ANKRD44: variants seen among roughly 807,000 people sequenced by gnomAD.
ANKRD44 encodes the protein ankyrin repeat domain 44.
A neutral mutation model predicts 116.0 loss-of-function variants in ANKRD44; 35 were observed. That is an observed-to-expected ratio of 0.30 (90% CI 0.23 to 0.40). The LOEUF is 0.40. Ranked by LOEUF, ANKRD44 falls within the 10% of genes least tolerant of loss-of-function variation. The pLI is 1.00. For synonymous variants in ANKRD44, 435 were observed against 461.8 expected, an observed-to-expected ratio of 0.94 and a Z score of 0.74; for missense variants, 1,014 against 1,242.6, an observed-to-expected ratio of 0.82 and a Z score of 2.77.
At chr2:197,245,167 G>A (rs1323598498) in intron 1 of ANKRD44, among the ~76,000 whole-genome samples, 2 of 152,248 alleles carry the variant, frequency 1.3e-5, no homozygotes, top group South Asian at 4.2e-4. Context: ...GGCTGAGAGA[G>A]GAGAATCACT....
intron 1 of ANKRD44, among the ~76,000 whole-genome samples, chr2:197,309,763 A>G (rs1313696212): frequency 6.6e-6 from 1 of 152,148 alleles, no homozygotes; most frequent in African/African-American, 2.4e-5. Context: ...GTTAGTGTCA[A>G]TGTAAGAGCA....
At chr2:197,240,627 C>T (rs2082071512) in intron 1 of ANKRD44, among the ~76,000 whole-genome samples, 1 of 151,192 alleles carries the variant, frequency 6.6e-6, no homozygotes, top group Admixed American at 6.6e-5. Flanking sequence ...GCAAGTCTCT[C>T]TCTGTGGGTG....
chr2:197,279,268 C>T (rs970199301), intron 1 of ANKRD44, among the ~76,000 whole-genome samples: 3 of 152,150 alleles, frequency 2.0e-5, no homozygotes, highest in African/African-American at 7.2e-5. Context: ...AGGGAGCCTA[C>T]CTGTATACAA....
chr2:197,288,573 T>C (rs181139376), intron 1 of ANKRD44, among the ~76,000 whole-genome samples: 2 of 152,304 alleles, frequency 1.3e-5, no homozygotes, highest in East Asian at 3.9e-4. Context: ...AGCAAAGTTA[T>C]GGAATCTAAG....
chr2:197,178,491 T>TA (rs997779117), intron 2 of ANKRD44, among the ~76,000 whole-genome samples: 49 of 149,766 alleles, frequency 3.3e-4, no homozygotes, highest in Non-Finnish European at 6.1e-4. Flanking sequence ...AAATTTTAAC[T>TA]AAAAAAAAAG....
In ANKRD44 at chr2:197,122,782, A is replaced by T; in HGVS notation, c.561T>A (p.Asp187Glu). ...LHWAAYMGHL[D>E]VVALLINHGA... ...CATGGTTAATGAGCAATGCTACAAC[A>T]TCCAAGTGGCCTTTACAAACAAAGC... is the stretch of plus-strand genomic sequence containing the variant. The change falls in exon 7 of 28, where the codon GAT (aspartate) becomes GAA (glutamate). Residue 187 changes from aspartate (D) to glutamate (E), a missense_variant. Coordinates refer to ENST00000282272, the MANE Select transcript of ANKRD44 (RefSeq NM_001195144.2). 5 of 1,613,584 alleles carry T rather than the reference A, an allele frequency of 3.1e-6. No individual in the cohort carries two copies. The highest frequency in any genetic ancestry group is 4.2e-6 in the Non-Finnish European group (5 of 1,179,760).
chr2:196,994,869 A>G (rs2075985787), intron 26 of ANKRD44: 1 of 152,672 alleles, frequency 6.5e-6, no homozygotes, highest in African/African-American at 2.4e-5. Flanking sequence ...AAACAAATGC[A>G]TAAATAATTT....
rs1178693359 is a variant in ANKRD44, at chr2:197,118,977, C to T, written c.906+2355G>A. 2.0e-5 allele frequency among the ~76,000 whole-genome samples: 3 copies of T among 152,036 alleles called. No individual in the cohort carries two copies. In the East Asian group the frequency reaches 5.8e-4, roughly 29 times the overall value. ...ACAGGCTTAATGTATTTTTTATTCT[C>T]TCTTGTGATCTGACTTTTGCTCCAT... On this transcript the variant is annotated intron_variant, in intron 8 of 27. Coordinates refer to ENST00000282272, the MANE Select transcript of ANKRD44 (RefSeq NM_001195144.2).
intron 1 of ANKRD44, among the ~76,000 whole-genome samples, chr2:197,288,726 A>G (rs990353726): frequency 6.6e-6 from 1 of 152,202 alleles, no homozygotes; most frequent in African/African-American, 2.4e-5. Flanking sequence ...CGTAAAAAAC[A>G]ATGAAATCAT....
At position 197,136,664 on chromosome 2, in the gene ANKRD44, T is replaced by C; in HGVS notation, c.191-2A>G. On this transcript the variant is annotated splice_acceptor_variant, in intron 3 of 27. Transcript: ENST00000282272. LOFTEE classifies it high-confidence loss of function. ...TGTCCTTGGCATTTACACGAGCTCC[T>C]GGAATCAAACAGCACAAGTTAGAGG... The C allele has an allele frequency of 6.2e-7, 1 of 1,614,058 alleles. No individual in the cohort carries two copies. Among genetic ancestry groups the C allele is most frequent in the Non-Finnish European group, 8.5e-7 (1 of 1,179,916 alleles).
chr2:197,226,061 A>G (rs2081704703), intron 1 of ANKRD44, among the ~76,000 whole-genome samples: 1 of 152,238 alleles, frequency 6.6e-6, no homozygotes, highest in African/African-American at 2.4e-5. Context: ...GCATAGCTTC[A>G]ATAACTCTTT....
At chr2:197,188,680 A>G (rs573982610) in intron 1 of ANKRD44, among the ~76,000 whole-genome samples, 1 of 152,344 alleles carries the variant, frequency 6.6e-6, no homozygotes, top group East Asian at 1.9e-4. Flanking sequence ...TCATTAAGAA[A>G]TGTTTCACGA....
At chr2:197,101,851 T>A (rs566869336) in intron 9 of ANKRD44, among the ~76,000 whole-genome samples, 1 of 152,230 alleles carries the variant, frequency 6.6e-6, no homozygotes. Context: ...TAAGTTAGGT[T>A]CATTTGATTC....
At chr2:197,257,067 A>G (rs777141146) in intron 1 of ANKRD44, among the ~76,000 whole-genome samples, 2 of 152,254 alleles carry the variant, frequency 1.3e-5, no homozygotes, top group Non-Finnish European at 2.9e-5. Context: ...GAAAACACCA[A>G]TCCAATCCCC....
At chr2:197,101,612 A>G (rs1264983356) in intron 9 of ANKRD44, among the ~76,000 whole-genome samples, 1 of 152,204 alleles carries the variant, frequency 6.6e-6, no homozygotes, top group Non-Finnish European at 1.5e-5. Flanking sequence ...CCACAATAAA[A>G]AAAAAGGCTT....
intron 16 of ANKRD44, among the ~76,000 whole-genome samples, chr2:197,059,369 T>C (rs2077265341): frequency 6.6e-6 from 1 of 152,256 alleles, no homozygotes; most frequent in African/African-American, 2.4e-5. Context: ...GCATTTTTAA[T>C]GTTAAATTAC....
At chr2:197,211,965 G>A (rs2081334510) in intron 1 of ANKRD44, among the ~76,000 whole-genome samples, 1 of 152,040 alleles carries the variant, frequency 6.6e-6, no homozygotes, top group East Asian at 1.9e-4. Flanking sequence ...CAACACTCCG[G>A]TGATGAAGGG....
At chr2:197,307,936 G>A (rs2084121774) in intron 1 of ANKRD44, among the ~76,000 whole-genome samples, 1 of 152,206 alleles carries the variant, frequency 6.6e-6, no homozygotes, top group South Asian at 2.1e-4. Context: ...TTGGGAGGCT[G>A]AGGCAGGTGG....
At chr2:197,221,308 T>G (rs2081580474) in intron 1 of ANKRD44, among the ~76,000 whole-genome samples, 1 of 151,824 alleles carries the variant, frequency 6.6e-6, no homozygotes, top group South Asian at 2.1e-4. Flanking sequence ...GACAGAGTCT[T>G]ACTCTGTTGC....
Sources: allele counts gnomAD v4.1 joint callset (sites outside exome capture counted in the v4.1 genomes callset), GRCh38; gene constraint gnomAD v4.1.1; transcripts MANE v1.5; gene names NCBI Gene and HGNC (gene_info 2026-07-23, HGNC 2026-07-21).